DNM3: variants seen among roughly 807,000 people sequenced by gnomAD.
The protein encoded by DNM3 is dynamin 3, also known as dynamin-3.
Under a neutral mutation model 101.6 loss-of-function variants are expected in DNM3, and 47 were observed. The ratio of observed to expected loss-of-function variants is 0.46; its 90% CI spans 0.37 to 0.59. DNM3 has a LOEUF of 0.59. Ranked by LOEUF, DNM3 falls within the 20% of genes least tolerant of loss-of-function variation. The pLI is 0.00. For synonymous variants in DNM3, 385 were observed against 387.9 expected (o/e 0.99, Z 0.09); for missense variants, 849 against 1,085.7 (o/e 0.78, Z 3.06).
intron 2 of DNM3, among the ~76,000 whole-genome samples, chr1:171,930,243 C>T (rs1392474258): frequency 1.3e-5 from 2 of 152,198 alleles, no homozygotes; most frequent in Admixed American, 6.5e-5. Context: ...TGCCCCTCCC[C>T]GCAGAGCTCT....
At chr1:171,984,484 C>T (rs969514778) in intron 2 of DNM3, among the ~76,000 whole-genome samples, 6 of 152,136 alleles carry the variant, frequency 3.9e-5, no homozygotes, top group South Asian at 2.1e-4. Flanking sequence ...GCACTCTGCC[C>T]GGATGCCCTT....
intron 14 of DNM3, among the ~76,000 whole-genome samples, chr1:172,249,498 GAACA>G (rs2062085370): frequency 6.6e-6 from 1 of 152,026 alleles, no homozygotes; most frequent in African/African-American, 2.4e-5. Flanking sequence ...CTCTCTCTTT[GAACA>G]AAAATATCTC....
intron 15 of DNM3, among the ~76,000 whole-genome samples, chr1:172,296,680 CA>C (rs1157491350): frequency 6.6e-6 from 1 of 152,148 alleles, no homozygotes; most frequent in Non-Finnish European, 1.5e-5. Context: ...TCGTGCTATT[CA>C]ATAAGATATT....
At chr1:172,079,284 T>C (rs558569078) in intron 11 of DNM3, among the ~76,000 whole-genome samples, 1 of 152,314 alleles carries the variant, frequency 6.6e-6, no homozygotes, top group South Asian at 2.1e-4. Flanking sequence ...TCTTTTCACA[T>C]AGTCCCATAT....
intron 14 of DNM3, among the ~76,000 whole-genome samples, chr1:172,199,677 A>C (rs2060082805): frequency 1.3e-5 from 2 of 151,210 alleles, no homozygotes; most frequent in Non-Finnish European, 3.0e-5. Context: ...GTCTTTTTTG[A>C]TATTTGTTGG....
In DNM3 at chr1:172,042,012, G is replaced by T; in HGVS notation, c.996G>T (p.Met332Ile). 1 of 1,585,878 alleles carries T rather than the reference G, an allele frequency of 6.3e-7. No individual in the cohort carries two copies. Among genetic ancestry groups the T allele is most frequent in the South Asian group, 1.2e-5 (1 of 85,288 alleles). Residue 332 changes from methionine to isoleucine, a missense_variant, in exon 8 of 21, where the codon ATG becomes ATT. Coordinates refer to ENST00000627582, the MANE Select transcript of DNM3 (RefSeq NM_015569.5). Reference protein sequence around the residue: ...PTRKTKALLQMVQQFAVDFEK... With the variant: ...PTRKTKALLQIVQQFAVDFEK... The stretch of plus-strand genomic sequence containing the variant: ...TATTTCTCTTTAACAATTACAGGAT[G>T]GTTCAGCAATTTGCTGTGGACTTTG...
chr1:172,006,168 A>C (rs2046674062), intron 4 of DNM3, among the ~76,000 whole-genome samples: 1 of 152,088 alleles, frequency 6.6e-6, no homozygotes, highest in African/African-American at 2.4e-5. Flanking sequence ...GTGGGTGCCT[A>C]CAGGGCAGGC....
chr1:172,308,974 T>C (rs1003220790), intron 16 of DNM3, 135 bp downstream of exon 16: 17 of 448,570 alleles, frequency 3.8e-5, no homozygotes, highest in African/African-American at 1.0e-4. Flanking sequence ...AGCTGATACT[T>C]CGCTTACTCT....
chr1:172,228,671 A>C (rs1425504488), intron 14 of DNM3, among the ~76,000 whole-genome samples: 1 of 152,082 alleles, frequency 6.6e-6, no homozygotes, highest in Admixed American at 6.6e-5. Flanking sequence ...TCACTGTATA[A>C]TTTAAGGAGA....
chr1:171,935,325 GACA>G (rs2041320952), intron 2 of DNM3, among the ~76,000 whole-genome samples: 1 of 152,146 alleles, frequency 6.6e-6, no homozygotes, highest in Non-Finnish European at 1.5e-5. Flanking sequence ...TTTGTTATAG[GACA>G]TTTAGTACTT....
intron 14 of DNM3, chr1:172,140,572 C>A (rs2057518059): frequency 6.6e-6 from 1 of 151,680 alleles, no homozygotes; most frequent in Non-Finnish European, 1.5e-5. Flanking sequence ...TAACTCTGCT[C>A]AATTAAAGGA....
At chr1:171,900,004 A>C (rs1489510564) in intron 1 of DNM3, among the ~76,000 whole-genome samples, 2 of 152,238 alleles carry the variant, frequency 1.3e-5, no homozygotes, top group East Asian at 3.9e-4. Flanking sequence ...TGGAATATCC[A>C]GGCACTGCAA....
chr1:172,260,002 TA>T (rs894333362), intron 15 of DNM3, among the ~76,000 whole-genome samples: 1 of 152,012 alleles, frequency 6.6e-6, no homozygotes. Context: ...GTATTTCTTA[TA>T]GGGGTGGTCT....
At chr1:172,034,596 A>AT (rs150565966) in intron 6 of DNM3, among the ~76,000 whole-genome samples, 45,203 of 150,270 alleles carry the variant, frequency 0.3, 6,914 homozygotes, top group East Asian at 0.48. Flanking sequence ...AAATTGAATG[A>AT]TTTTTTTTTT....
chr1:172,290,172 C>A, intron 15 of DNM3: 2 of 239,116 alleles, frequency 8.4e-6, no homozygotes, highest in Non-Finnish European at 1.4e-5. Flanking sequence ...ACATTTAAAG[C>A]TCCATCAATG....
intron 10 of DNM3, among the ~76,000 whole-genome samples, chr1:172,049,763 T>TG (rs1319027669): frequency 6.6e-6 from 1 of 152,180 alleles, no homozygotes; most frequent in Non-Finnish European, 1.5e-5. Flanking sequence ...GTTACCTTTC[T>TG]GAAAAACCAG....
At chr1:172,081,767 A>T in intron 11 of DNM3, 65 bp from the exon 12 acceptor site, 1 of 1,315,608 alleles carries the variant, frequency 7.6e-7, no homozygotes, top group Non-Finnish European at 1.1e-6. Context: ...GTGGGCAATT[A>T]CTGAATTTAA....
intron 4 of DNM3, among the ~76,000 whole-genome samples, chr1:172,007,976 TA>T (rs1436829063): frequency 1.3e-5 from 2 of 152,194 alleles, no homozygotes; most frequent in African/African-American, 4.8e-5. Flanking sequence ...ATTTTTTTCA[TA>T]TATCAGTTAG....
intron 13 of DNM3, among the ~76,000 whole-genome samples, chr1:172,097,361 C>A (rs2054315175): frequency 6.6e-6 from 1 of 151,704 alleles, no homozygotes; most frequent in Admixed American, 6.6e-5. Context: ...GATCACACCA[C>A]TGCACTCCAG....
Sources: gnomAD v4.1 joint callset for allele counts (sites outside exome capture counted in the v4.1 genomes callset) on GRCh38, gnomAD v4.1.1 for gene constraint, MANE v1.5 for transcripts, NCBI Gene and HGNC (gene_info 2026-07-23, HGNC 2026-07-21) for gene names.